The following MED29 variants were observed in gnomAD, a reference collection of about 807,000 sequenced individuals.
MED29 encodes mediator complex subunit 29, also known as mediator of RNA polymerase II transcription subunit 29.
A neutral mutation model predicts 22.0 loss-of-function variants in MED29; 14 were observed. That is an observed-to-expected ratio of 0.64 (90% CI 0.42 to 0.99). MED29 has a LOEUF of 0.99. MED29 is among the 50% of genes least tolerant of loss of function. The pLI, the probability that MED29 is intolerant of heterozygous loss-of-function variation, is 0.00. For synonymous variants in MED29, 123 were observed against 107.8 expected (o/e 1.14, Z -0.87); for missense variants, 241 against 253.7 (o/e 0.95, Z 0.34).
chr19:39,391,689 G>A (rs1348013091), intron 1 of MED29, 51 bp downstream of exon 1: 1 of 1,517,584 alleles, frequency 6.6e-7, no homozygotes, highest in Non-Finnish European at 8.8e-7. Flanking sequence ...AGTCTAGAGG[G>A]GCAGGCCGAG....
intron 1 of MED29, 144 bp from the exon 2 acceptor site, chr19:39,392,320 A>G (rs1189901446): frequency 5.6e-6 from 4 of 717,420 alleles, no homozygotes; most frequent in Non-Finnish European, 4.8e-6. Context: ...ATGGAAACGA[A>G]TATTACTTTG....
chr19:39,397,323 C>T (rs567730091), intron 3 of MED29, 134 bp from the exon 4 acceptor site: 27 of 943,186 alleles, frequency 2.9e-5, no homozygotes, highest in Admixed American at 2.2e-4. Context: ...CAGCAAATGA[C>T]TGGCAGGGCC....
chr19:39,391,696 C>T (rs1270398559), intron 1 of MED29, 58 bp downstream of exon 1: 5 of 1,509,214 alleles, frequency 3.3e-6, no homozygotes, highest in Non-Finnish European at 4.4e-6. Flanking sequence ...AGGGGCAGGC[C>T]GAGGGCCAGG....
chr19:39,393,081 C>CTTTTTTTTTTTTTTTTTTTTTTTTTTTT (rs142198224), intron 2 of MED29, among the ~76,000 whole-genome samples: 9 of 34,708 alleles, frequency 2.6e-4, no homozygotes, highest in East Asian at 1.4e-3. Context: ...TCTTTCTTTT[C>CTTTTTTTTTTTTTTTTTTTTTTTTTTTT]TTTTTTTTTT....
chr19:39,397,443 C>T lies in MED29; in HGVS notation c.361-14C>T. Reference sequence around the variant, plus strand: ...GGTGGAGCTGATGCTGTCCCCTTGCCTGCCTGTCCACAGCGCCTGGCGCAT... The same window carrying T: ...GGTGGAGCTGATGCTGTCCCCTTGCTTGCCTGTCCACAGCGCCTGGCGCAT... On this transcript the variant is annotated splice_polypyrimidine_tract_variant and intron_variant, in intron 3 of 3. Coordinates refer to ENST00000315588, the MANE Select transcript of MED29 (RefSeq NM_017592.4). The T allele has an allele frequency of 6.3e-7, 1 of 1,598,280 alleles. No homozygotes were observed. Among genetic ancestry groups the T allele is most frequent in the African/African-American group, 1.3e-5 (1 of 74,972 alleles).
At chr19:39,393,665 C>T (rs1166959145) in intron 3 of MED29, 28 bp downstream of exon 3, 1 of 1,574,056 alleles carries the variant, frequency 6.4e-7, no homozygotes, top group Admixed American at 1.7e-5. Flanking sequence ...CACGGGGTAA[C>T]AACAGCCGTG....
intron 1 of MED29, among the ~76,000 whole-genome samples, chr19:39,392,127 G>C (rs2078388083): frequency 6.6e-6 from 1 of 152,220 alleles, no homozygotes; most frequent in Non-Finnish European, 1.5e-5. Flanking sequence ...GGACTGGCCG[G>C]AGCTTGAGTG....
intron 3 of MED29, among the ~76,000 whole-genome samples, chr19:39,395,871 C>T (rs1415910420): frequency 2.6e-5 from 4 of 151,440 alleles, no homozygotes; most frequent in South Asian, 2.1e-4. Flanking sequence ...GAGCCGAGAT[C>T]GCACCACTGC....
chr19:39,395,557 G>A (rs1182622926), intron 3 of MED29, among the ~76,000 whole-genome samples: 2 of 152,122 alleles, frequency 1.3e-5, no homozygotes, highest in African/African-American at 2.4e-5. Flanking sequence ...CTTTGTATAT[G>A]GGCCACAGGA....
In MED29 at chr19:39,397,855, C is replaced by T; in HGVS notation, c.*156C>T. 3.9e-6 allele frequency: 5 copies of T among 1,283,032 alleles called. No homozygotes were observed. Among genetic ancestry groups the T allele is most frequent in the Non-Finnish European group, 1.0e-6 (1 of 954,704 alleles). The allele number at this position is 1,283,032 out of a possible 1,614,324, so 79.5% of individuals were successfully genotyped here. ...GCAGCAGAGGCCAACAGGGAGCTCGCAGGCCGGGCCCCTGCGTCCCTGCCC... is the reference window on the plus strand; with the variant it reads ...GCAGCAGAGGCCAACAGGGAGCTCGTAGGCCGGGCCCCTGCGTCCCTGCCC... On this transcript the variant is annotated 3_prime_UTR_variant, in exon 4 of 4. Transcript: ENST00000315588.
At position 39,397,897 on chromosome 19, in the gene MED29, C is replaced by G. The variant is rs1296891922; in HGVS notation, c.*198C>G. On this transcript the variant is annotated 3_prime_UTR_variant, in exon 4 of 4. Transcript: ENST00000315588. ...TCCCTGCCCCTTCTTCCTGCTCCCC[C>G]TCCTAGCCTAGGGTAGACTTTGAAC... The G allele has an allele frequency of 2.4e-6, 2 of 842,082 alleles. No homozygotes were observed. The highest frequency in any genetic ancestry group is 3.4e-5 in the African/African-American group (2 of 58,438). 52.2% of individuals were successfully genotyped at this position (842,082 alleles called of 1,614,324 possible). A position where few individuals can be genotyped will look rare whatever the true frequency, so the allele number is the denominator to read the frequency against.
chr19:39,391,433 C>T lies in MED29; in HGVS notation c.11C>T (p.Ser4Phe), dbSNP rs1455479824. MAA[S>F]QQQASAASSA... ...GTCTACGCGAGGAAGATGGCTGCAT[C>T]CCAGCAGCAAGCTTCAGCGGCTTCC... The change falls in exon 1 of 4, where the codon TCC becomes TTC. Residue 4 changes from serine to phenylalanine, a missense_variant. Physicochemically the swap from Ser to Phe is radical, Grantham distance 155. Coordinates refer to ENST00000315588, the MANE Select transcript of MED29 (RefSeq NM_017592.4). The T allele has an allele frequency of 6.2e-7, 1 of 1,612,998 alleles. No homozygotes were observed. The highest frequency in any genetic ancestry group is 8.5e-7 in the Non-Finnish European group (1 of 1,179,070).
intron 3 of MED29, among the ~76,000 whole-genome samples, chr19:39,395,773 C>T (rs11665856): frequency 0.42 from 64,358 of 151,836 alleles, 14,706 homozygotes; most frequent in South Asian, 0.58. Context: ...AAAAATTAGC[C>T]GGGCGTGGTG....
chr19:39,391,885 C>T (rs1250266927), intron 1 of MED29, among the ~76,000 whole-genome samples: 1 of 152,042 alleles, frequency 6.6e-6, no homozygotes, highest in African/African-American at 2.4e-5. Flanking sequence ...ATTAGCCGGG[C>T]ATGGTGGCGC....
In MED29 at chr19:39,398,153, C is replaced by G. The variant is rs912796814; in HGVS notation, c.*454C>G. ...TGTTTCTCCCCATGGTCCTATTTCT[C>G]TCACTCTGACCTCTCTCTCTTAGTC... On this transcript the variant is annotated 3_prime_UTR_variant, in exon 4 of 4. Coordinates refer to ENST00000315588, the MANE Select transcript of MED29 (RefSeq NM_017592.4). 1 of 258,958 alleles carries G rather than the reference C, an allele frequency of 3.9e-6. No individual in the cohort carries two copies. The highest frequency in any genetic ancestry group is 7.4e-6 in the Non-Finnish European group (1 of 134,338). The allele number at this position is 258,958 out of a possible 1,614,324, so 16.0% of individuals were successfully genotyped here. A position where few individuals can be genotyped will look rare whatever the true frequency, so the allele number is the denominator to read the frequency against.
rs2078446578 is a variant in MED29 at position 39,399,057 on chromosome 19, C to G, written c.*1358C>G. The G allele has an allele frequency of 6.6e-6, 1 of 152,220 alleles. No individual in the cohort carries two copies. The highest frequency in any genetic ancestry group is 2.1e-4 in the South Asian group (1 of 4,836). 9.4% of individuals were successfully genotyped at this position (152,220 alleles called of 1,614,324 possible). A position where few individuals can be genotyped will look rare whatever the true frequency, so the allele number is the denominator to read the frequency against. ...AGGAATTTCTCCTTCAGGGGAGCCTCAGTTTTGCCCATTTATCTAATTGAA... is the reference window on the plus strand; with the variant it reads ...AGGAATTTCTCCTTCAGGGGAGCCTGAGTTTTGCCCATTTATCTAATTGAA... On this transcript the variant is annotated 3_prime_UTR_variant, in exon 4 of 4. Coordinates refer to ENST00000315588, the MANE Select transcript of MED29 (RefSeq NM_017592.4).
intron 3 of MED29, among the ~76,000 whole-genome samples, chr19:39,394,369 C>T (rs1225666591): frequency 6.6e-6 from 1 of 152,088 alleles, no homozygotes; most frequent in Non-Finnish European, 1.5e-5. Flanking sequence ...TCAAGCGATT[C>T]TGGTGCCTCA....
chr19:39,393,625 G>T lies in MED29; in HGVS notation c.348G>T (p.Leu116=). The part of the protein sequence containing the change: ...LEEFYALCDQ[L]ELCLRLAHEC... ...AGTTCTATGCACTCTGTGACCAGCT[G>T]GAGCTGTGCCTGGTAAGAAGCCTTC... Residue 116 remains leucine, a synonymous_variant, in exon 3 of 4, where the codon CTG becomes CTT. Transcript: ENST00000315588. The T allele has an allele frequency of 6.2e-7, 1 of 1,614,056 alleles. No homozygotes were observed. Among genetic ancestry groups the T allele is most frequent in the South Asian group, 1.1e-5 (1 of 91,082 alleles).
chr19:39,397,963 C>CATT lies in MED29; in HGVS notation c.*265_*267dup. On this transcript the variant is annotated 3_prime_UTR_variant, in exon 4 of 4. Transcript: ENST00000315588. The stretch of plus-strand genomic sequence containing the variant: ...CTTCTCTGTTCCACAGGCCCTCCCC[C>CATT]ATTCTTGCCTGGGTGTGGAGCCCTG... The CATT allele has an allele frequency of 1.7e-6, 1 of 578,670 alleles. No individual in the cohort carries two copies. The highest frequency in any genetic ancestry group is 3.0e-6 in the Non-Finnish European group (1 of 332,186). 35.8% of individuals were successfully genotyped at this position (578,670 alleles called of 1,614,324 possible).
Sources: allele counts gnomAD v4.1 joint callset (sites outside exome capture counted in the v4.1 genomes callset), GRCh38; gene constraint gnomAD v4.1.1; transcripts MANE v1.5; gene names NCBI Gene and HGNC (gene_info 2026-07-23, HGNC 2026-07-21).